Variants in TMEM254 observed in about 807,000 individuals in gnomAD.
The protein encoded by TMEM254 is transmembrane protein 254.
A neutral mutation model predicts 13.9 loss-of-function variants in TMEM254; 16 were observed. The observed-to-expected ratio is 1.15, with a 90% CI of 0.78 to 1.75. The LOEUF (loss-of-function observed/expected upper bound fraction) is 1.75, where lower values mean the gene tolerates loss of function less well. Ranked by LOEUF, TMEM254 falls within the 40% of genes most tolerant of loss-of-function variation. TMEM254 has a pLI of 0.00. For synonymous variants in TMEM254, 61 were observed against 56.4 expected, an observed-to-expected ratio of 1.08 and a Z score of -0.36; for missense variants, 155 against 149.0, an observed-to-expected ratio of 1.04 and a Z score of -0.21.
rs1844583038 is a variant in TMEM254 at position 80,091,806 on chromosome 10, A to C, written c.*889A>C. The C allele has an allele frequency of 6.6e-6, 1 of 152,240 alleles. No individual in the cohort carries two copies. The highest frequency in any genetic ancestry group is 1.5e-5 in the Non-Finnish European group (1 of 68,048). The allele number at this position is 152,240 out of a possible 1,614,324, so 9.4% of individuals were successfully genotyped here. ...TCATTATCATTCCAATTTTTATGTG[A>C]AAATGGCACAACCCATTTGGGGTAC... On this transcript the variant is annotated 3_prime_UTR_variant, in exon 4 of 4. Transcript: ENST00000372281.
chr10:80,087,513 C>T (rs557495593), intron 3 of TMEM254, among the ~76,000 whole-genome samples: 5 of 150,580 alleles, frequency 3.3e-5, no homozygotes, highest in South Asian at 2.1e-4. Flanking sequence ...ATTAGCAGGG[C>T]GTGGTAGCGG....
At chr10:80,081,533 T>C in intron 1 of TMEM254, 2 of 669,966 alleles carry the variant, frequency 3.0e-6, no homozygotes, top group Non-Finnish European at 5.0e-6. Context: ...CTGGGCATGG[T>C]GGCACACACG....
At chr10:80,084,487 A>T (rs767798852) in intron 3 of TMEM254, among the ~76,000 whole-genome samples, 12 of 152,212 alleles carry the variant, frequency 7.9e-5, no homozygotes, top group Admixed American at 2.6e-4. Flanking sequence ...GCATGCAGTT[A>T]TCAGTGTGGC....
intron 3 of TMEM254, chr10:80,090,229 T>A: frequency 1.7e-6 from 1 of 585,160 alleles, no homozygotes; most frequent in East Asian, 2.9e-5. Flanking sequence ...TTTTTTGCAC[T>A]TCATTTTAGG....
intron 1 of TMEM254, among the ~76,000 whole-genome samples, chr10:80,080,933 A>G (rs1034873479): frequency 2.6e-5 from 4 of 152,196 alleles, no homozygotes; most frequent in Non-Finnish European, 5.9e-5. Context: ...TACAAAAATT[A>G]GCTGGGCGTG....
intron 3 of TMEM254, among the ~76,000 whole-genome samples, chr10:80,089,282 T>C (rs1844461474): frequency 6.6e-6 from 1 of 152,228 alleles, no homozygotes; most frequent in Non-Finnish European, 1.5e-5. Context: ...TTTCAACATT[T>C]TGCATCATGT....
At chr10:80,088,452 T>G (rs945478921) in intron 3 of TMEM254, among the ~76,000 whole-genome samples, 3 of 151,968 alleles carry the variant, frequency 2.0e-5, no homozygotes, top group Admixed American at 2.0e-4. Context: ...CTTTTTTTTT[T>G]CCTTAAGGTC....
At chr10:80,082,108 T>C (rs1466614011) in intron 2 of TMEM254, 37 bp from the exon 3 acceptor site, 1 of 1,610,860 alleles carries the variant, frequency 6.2e-7, no homozygotes, top group South Asian at 1.1e-5. Context: ...CAGATAACTA[T>C]CACCTTAAAA....
In TMEM254 at chr10:80,078,682, CG is replaced by C. The variant is rs1422459662; in HGVS notation, c.-14del. 3.2e-6 allele frequency: 5 copies of C among 1,585,776 alleles called. No individual in the cohort carries two copies. The highest frequency in any genetic ancestry group is 3.4e-6 in the Non-Finnish European group (4 of 1,168,992). On this transcript the variant is annotated 5_prime_UTR_variant, in exon 1 of 4. Transcript: ENST00000372281. ...TCGACGGTGTCCTGAAGCGCGCTCC[CG>C]GGGAGGTGTTGCAGCCATGGCTACG...
At chr10:80,089,185 A>G (rs1186838627) in intron 3 of TMEM254, among the ~76,000 whole-genome samples, 1 of 152,040 alleles carries the variant, frequency 6.6e-6, no homozygotes, top group Non-Finnish European at 1.5e-5. Context: ...TATACCTTTT[A>G]TTTATGTTTC....
chr10:80,082,209 G>A lies in TMEM254; in HGVS notation c.251+5G>A, dbSNP rs1432638535. On this transcript the variant is annotated splice_donor_5th_base_variant and intron_variant, in intron 3 of 3. Transcript: ENST00000372281. ...GTATGCCATAGTATTGTGCAAGTAA[G>A]TCTTTGAAGTAGGTGTTTGTTGCCT... 1 of 1,614,090 alleles carries A rather than the reference G, an allele frequency of 6.2e-7. No individual in the cohort carries two copies.
chr10:80,092,546 T>G lies in TMEM254; in HGVS notation c.*1629T>G, dbSNP rs1844608826. On this transcript the variant is annotated 3_prime_UTR_variant, in exon 4 of 4. Coordinates refer to ENST00000372281, the MANE Select transcript of TMEM254 (RefSeq NM_025125.4). ...AACTTGAATAAAATGCTGTGAATTT[T>G]CTCTAGCTGAATGCTTTTCTTGTAT... The G allele has an allele frequency of 6.6e-6, 1 of 152,218 alleles. No homozygotes were observed. The highest frequency in any genetic ancestry group is 2.4e-5 in the African/African-American group (1 of 41,468). The allele number at this position is 152,218 out of a possible 1,614,324, so 9.4% of individuals were successfully genotyped here.
intron 3 of TMEM254, among the ~76,000 whole-genome samples, chr10:80,082,433 A>C (rs1170588626): frequency 6.6e-6 from 1 of 152,214 alleles, no homozygotes; most frequent in Non-Finnish European, 1.5e-5. Context: ...TATCTAATTC[A>C]GATGACTTTT....
At chr10:80,087,646 C>A (rs1844380791) in intron 3 of TMEM254, among the ~76,000 whole-genome samples, 1 of 152,166 alleles carries the variant, frequency 6.6e-6, no homozygotes, top group African/African-American at 2.4e-5. Flanking sequence ...GAGCAAGACT[C>A]TGCCTAAAAA....
intron 1 of TMEM254, among the ~76,000 whole-genome samples, chr10:80,080,544 G>A (rs1459098264): frequency 4.6e-5 from 7 of 152,188 alleles, no homozygotes; most frequent in Non-Finnish European, 7.3e-5. Flanking sequence ...TTAAACAGAG[G>A]TTTGGCTGGA....
intron 1 of TMEM254, among the ~76,000 whole-genome samples, chr10:80,081,065 G>A (rs1168760529): frequency 1.3e-5 from 2 of 151,998 alleles, no homozygotes; most frequent in African/African-American, 4.8e-5. Context: ...AAGCGACAGA[G>A]TGAAACTCCA....
At position 80,081,706 on chromosome 10, in the gene TMEM254, G is replaced by A. The variant is rs768938645; in HGVS notation, c.88-135G>A. On this transcript the variant is annotated intron_variant, in intron 1 of 3. Transcript: ENST00000372281. ...AAAGAAAATAGAAGCCAAGAATGGA[G>A]ACCCAAATGACTGTTCAGAGTTTCT... The A allele has an allele frequency of 8.2e-5, 132 of 1,605,398 alleles. 1 individual carries two copies. The highest frequency in any genetic ancestry group is 5.0e-4 in the Middle Eastern group (3 of 6,060).
At chr10:80,082,054 T>G in intron 2 of TMEM254, 91 bp from the exon 3 acceptor site, 1 of 1,571,820 alleles carries the variant, frequency 6.4e-7, no homozygotes, top group Non-Finnish European at 8.7e-7. Flanking sequence ...CGGTTCACCT[T>G]AAGGCACTTT....
intron 3 of TMEM254, chr10:80,086,347 G>A (rs1844313017): frequency 1.0e-6 from 1 of 982,598 alleles, no homozygotes. Context: ...TGAAGGAGGA[G>A]GAAACAAGCA....
Sources: gnomAD v4.1 joint callset for allele counts (sites outside exome capture counted in the v4.1 genomes callset) on GRCh38, gnomAD v4.1.1 for gene constraint, MANE v1.5 for transcripts, NCBI Gene and HGNC (gene_info 2026-07-23, HGNC 2026-07-21) for gene names.